PTPN22: variants seen among roughly 807,000 people sequenced by gnomAD.
PTPN22 encodes the protein protein tyrosine phosphatase non-receptor type 22, also known as tyrosine-protein phosphatase non-receptor type 22.
A neutral mutation model predicts 103.3 loss-of-function variants in PTPN22; 85 were observed. The observed-to-expected ratio is 0.82, with a 90% CI of 0.69 to 0.99. PTPN22 has a LOEUF of 0.99. Among genes scored for constraint, PTPN22 ranks in the 50% least tolerant of loss-of-function variants. PTPN22 has a pLI of 0.00. For synonymous variants in PTPN22, 323 were observed against 310.2 expected (o/e 1.04, Z -0.43); for missense variants, 865 against 936.9 (o/e 0.92, Z 1.00).
chr1:113,858,972 A>G, intron 3 of PTPN22, 30 bp downstream of exon 3: 1 of 1,606,382 alleles, frequency 6.2e-7, no homozygotes, highest in Non-Finnish European at 8.5e-7. Context: ...CTAGAGAAAT[A>G]TGGAATGCTT....
intron 20 of PTPN22, among the ~76,000 whole-genome samples, chr1:113,818,865 G>A (rs745976084): frequency 2.0e-5 from 3 of 152,062 alleles, no homozygotes; most frequent in Non-Finnish European, 4.4e-5. Flanking sequence ...TGCATGTGGC[G>A]GCAACCTAAT....
In PTPN22 at chr1:113,854,491, A is replaced by G. The variant is rs1664878320; in HGVS notation, c.730T>C (p.Trp244Arg). 8.7e-6 allele frequency: 14 copies of G among 1,613,964 alleles called. No individual in the cohort carries two copies. The East Asian group carries it at 2.5e-4, about 28-fold the overall frequency. ...CTCACCCCATCTTTTAGCAACATCCATGTATAATCAATAGCACAAATAACA... is the reference window on the plus strand; with the variant it reads ...CTCACCCCATCTTTTAGCAACATCCGTGTATAATCAATAGCACAAATAACA... The change falls in exon 9 of 21, where the codon TGG becomes CGG. Residue 244 changes from tryptophan (W) to arginine (R), a missense_variant. This residue lies in a region of PTPN22 where 457 missense variants were observed against 529.1 expected (regional missense o/e 0.86). Coordinates refer to ENST00000359785, the Ensembl canonical transcript of PTPN22.
intron 1 of PTPN22, 78 bp downstream of exon 1, chr1:113,871,459 G>A (rs1343067275): frequency 8.6e-7 from 1 of 1,168,814 alleles, no homozygotes; most frequent in African/African-American, 1.5e-5. Flanking sequence ...AGAGCAATTT[G>A]GTCTCGGAAA....
intron 11 of PTPN22, among the ~76,000 whole-genome samples, chr1:113,844,688 C>G (rs1289357575): frequency 6.6e-6 from 1 of 152,112 alleles, no homozygotes; most frequent in Non-Finnish European, 1.5e-5. Flanking sequence ...TTGTTTAATT[C>G]AGTGTGTTTC....
At chr1:113,824,823 A>AC (rs1350075183) in intron 19 of PTPN22, among the ~76,000 whole-genome samples, 5 of 152,072 alleles carry the variant, frequency 3.3e-5, no homozygotes, top group Admixed American at 1.3e-4. Context: ...ATATGGTGAA[A>AC]CCCCATCTCT....
chr1:113,819,570 C>A lies in PTPN22; in HGVS notation c.2359+7G>T. 1 of 1,586,400 alleles carries A rather than the reference C, an allele frequency of 6.3e-7. No homozygotes were observed. Among genetic ancestry groups the A allele is most frequent in the Non-Finnish European group, 8.6e-7 (1 of 1,158,562 alleles). On this transcript the variant is annotated splice_region_variant and intron_variant, in intron 20 of 20. Coordinates refer to ENST00000359785, the Ensembl canonical transcript of PTPN22. ...TTTTTAACTCTTCAGTAAAATAACA[C>A]ACATACCAAAATTCAGAAATGAGCT...
At chr1:113,857,147 T>C (rs530153148) in intron 5 of PTPN22, among the ~76,000 whole-genome samples, 1 of 152,356 alleles carries the variant, frequency 6.6e-6, no homozygotes, top group Non-Finnish European at 1.5e-5. Context: ...AATTATCAGA[T>C]ATTTGGCATT....
At chr1:113,837,877 T>G in exon 13 of PTPN22, 2 of 1,614,130 alleles carry the variant, frequency 1.2e-6, no homozygotes, top group Non-Finnish European at 1.7e-6. Flanking sequence ...ATTACGTATT[T>G]GGTGTTTAGA....
intron 4 of PTPN22, 77 bp from the exon 5 acceptor site, chr1:113,857,853 CAG>C: frequency 1.5e-6 from 2 of 1,308,296 alleles, no homozygotes; most frequent in Non-Finnish European, 2.1e-6. Context: ...ATCCCAGACT[CAG>C]AAAGTATTAA....
rs1286339479 is a variant in PTPN22 at position 113,833,112 on chromosome 1, T to C, written c.2052A>G (p.Ser684=). 13 of 1,566,364 alleles carry C rather than the reference T, an allele frequency of 8.3e-6. No homozygotes were observed. The Admixed American group carries it at 2.2e-4, about 27-fold the overall frequency. ...TCTAAAGCCAAGAGAAATTTTTACCTGATTTAGGACTTCGGAGTTTTACAC... is the reference window on the plus strand; with the variant it reads ...TCTAAAGCCAAGAGAAATTTTTACCCGATTTAGGACTTCGGAGTTTTACAC... Residue 684 remains serine, a splice_region_variant and synonymous_variant, in exon 16 of 21, where the codon TCA becomes TCG. Coordinates refer to ENST00000359785, the Ensembl canonical transcript of PTPN22.
intron 15 of PTPN22, among the ~76,000 whole-genome samples, chr1:113,833,385 C>T (rs1220984371): frequency 6.6e-6 from 1 of 152,138 alleles, no homozygotes; most frequent in Non-Finnish European, 1.5e-5. Context: ...TTATTTCTGT[C>T]CCACCTGAAA....
intron 11 of PTPN22, among the ~76,000 whole-genome samples, chr1:113,847,196 C>T (rs1664158024): frequency 7.1e-6 from 1 of 140,750 alleles, no homozygotes; most frequent in Non-Finnish European, 1.6e-5. Flanking sequence ...TCTAAAATTT[C>T]CATTTGGTTC....
At chr1:113,817,469 G>A (rs1209782518) in intron 20 of PTPN22, among the ~76,000 whole-genome samples, 1 of 151,908 alleles carries the variant, frequency 6.6e-6, no homozygotes, top group Non-Finnish European at 1.5e-5. Context: ...ACAGAGTCTT[G>A]TACTGTCGCC....
exon 13 of PTPN22, chr1:113,837,689 A>G: frequency 6.2e-7 from 1 of 1,603,644 alleles, no homozygotes; most frequent in Non-Finnish European, 8.5e-7. Context: ...AGGGATGTAG[A>G]GGATGTTGGC....
intron 19 of PTPN22, among the ~76,000 whole-genome samples, chr1:113,822,018 AT>A (rs967385630): frequency 7.2e-5 from 11 of 151,978 alleles, no homozygotes; most frequent in African/African-American, 1.7e-4. Context: ...ATAAAGAGTT[AT>A]TTTTTTTCCA....
At chr1:113,844,215 A>T (rs989650563) in intron 11 of PTPN22, among the ~76,000 whole-genome samples, 2 of 152,174 alleles carry the variant, frequency 1.3e-5, no homozygotes, top group Admixed American at 6.5e-5. Context: ...TAATCCCAGC[A>T]CTTTGGGAGG....
chr1:113,851,901 A>G (rs111683316), intron 10 of PTPN22, 126 bp downstream of exon 10: 2 of 528,842 alleles, frequency 3.8e-6, no homozygotes, highest in Non-Finnish European at 6.4e-6. Flanking sequence ...ATGGCAATGG[A>G]CTCTAGAGCA....
intron 20 of PTPN22, 128 bp from the exon 21 acceptor site, chr1:113,815,097 G>T: frequency 1.5e-6 from 1 of 655,296 alleles, no homozygotes; most frequent in Non-Finnish European, 2.6e-6. Flanking sequence ...GCAGCATCTT[G>T]ACCAGTTTAG....
chr1:113,820,855 A>G (rs1661535939), intron 19 of PTPN22, among the ~76,000 whole-genome samples: 1 of 152,152 alleles, frequency 6.6e-6, no homozygotes, highest in South Asian at 2.1e-4. Flanking sequence ...AGGATTCTAG[A>G]AACACCTTCC....
Sources: gnomAD v4.1 joint callset for allele counts (sites outside exome capture counted in the v4.1 genomes callset) on GRCh38, gnomAD v4.1.1 for gene constraint, gnomAD v4.1.1 regional missense constraint, MANE v1.5 for transcripts, NCBI Gene and HGNC (gene_info 2026-07-23, HGNC 2026-07-21) for gene names.